Variants in COBL observed in about 807,000 individuals in gnomAD.
COBL encodes the protein cordon-bleu WH2 repeat protein.
COBL carries 51 observed loss-of-function variants against 98.8 expected under a neutral mutation model. The ratio of observed to expected loss-of-function variants is 0.52; its 90% CI spans 0.41 to 0.65. COBL has a LOEUF of 0.65. Among genes scored for constraint, COBL ranks in the 30% least tolerant of loss-of-function variants. COBL has a pLI of 0.00. For missense variants in COBL, 1,617 were observed against 1,617.5 expected (o/e 1.00, Z 0.01); for synonymous variants, 634 against 651.7 (o/e 0.97, Z 0.41).
rs1010333082 is a variant in COBL, at chr7:51,300,196, T to C, written c.41+16397A>G. Among the ~76,000 whole-genome samples the C allele has an allele frequency of 2.0e-5, 3 of 152,164 alleles. No homozygotes were observed. In the South Asian group the frequency reaches 6.2e-4, roughly 32 times the overall value. Reference sequence around the variant, plus strand: ...TGTTTTTTGAGACAGAGTCTCACTCTGTCACCCAAGCTGGAGTGCAGTGGC... The same window carrying C: ...TGTTTTTTGAGACAGAGTCTCACTCCGTCACCCAAGCTGGAGTGCAGTGGC... On this transcript the variant is annotated intron_variant, in intron 1 of 12. Coordinates refer to ENST00000265136, the MANE Select transcript of COBL (RefSeq NM_015198.5).
Position 51,253,489 on chromosome 7 carries a change from G to T in COBL, c.42-33545C>A, listed in dbSNP as rs182092449. 7.5e-3 allele frequency among the ~76,000 whole-genome samples: 1,144 copies of T among 152,230 alleles called. 15 individuals are homozygous for T. Among genetic ancestry groups the T allele is most frequent in the African/African-American group, 0.027 (1,111 of 41,542 alleles). On this transcript the variant is annotated intron_variant, in intron 1 of 12. Coordinates refer to ENST00000265136, the MANE Select transcript of COBL (RefSeq NM_015198.5). ...GATCTGTAATCAGCCATTTCTCCAA[G>T]GATCCATGTGGGAAACTGTAGTTAA... is the stretch of plus-strand genomic sequence containing the variant.
At chr7:51,080,442 T>C (rs1313878399) in intron 7 of COBL, among the ~76,000 whole-genome samples, 1 of 152,058 alleles carries the variant, frequency 6.6e-6, no homozygotes, top group Non-Finnish European at 1.5e-5. Flanking sequence ...AGAAGAGAAG[T>C]GCAGGGTGAT....
intron 10 of COBL, among the ~76,000 whole-genome samples, chr7:51,027,444 T>C (rs756070417): frequency 9.2e-5 from 14 of 152,244 alleles, no homozygotes; most frequent in African/African-American, 3.1e-4. Context: ...TGGACATCAC[T>C]GGCTGTTACC....
chr7:51,139,126 A>AT (rs35065476), intron 5 of COBL, among the ~76,000 whole-genome samples: 2 of 152,124 alleles, frequency 1.3e-5, no homozygotes, highest in East Asian at 1.9e-4. Flanking sequence ...TGCATTATCT[A>AT]TTTTTTAAGG....
chr7:51,161,279 G>T (rs1786776582), intron 5 of COBL, among the ~76,000 whole-genome samples: 1 of 152,218 alleles, frequency 6.6e-6, no homozygotes, highest in Non-Finnish European at 1.5e-5. Context: ...TAATCCCCCT[G>T]GAGACCCGGA....
intron 1 of COBL, chr7:51,259,596 A>C: frequency 1.3e-6 from 1 of 745,452 alleles, no homozygotes; most frequent in South Asian, 1.4e-5. Flanking sequence ...CAGGAAGGCA[A>C]TTTCATGAAT....
intron 1 of COBL, among the ~76,000 whole-genome samples, chr7:51,300,560 G>A (rs1242364343): frequency 6.6e-6 from 1 of 152,202 alleles, no homozygotes; most frequent in Non-Finnish European, 1.5e-5. Context: ...GGAGCCATGT[G>A]GTATGTCAGA....
chr7:51,090,185 G>C (rs1178550028), intron 6 of COBL, among the ~76,000 whole-genome samples: 1 of 152,148 alleles, frequency 6.6e-6, no homozygotes, highest in Non-Finnish European at 1.5e-5. Context: ...TCATGAAGAA[G>C]TGATGTTGAC....
chr7:51,220,045 C>T (rs1793481938), intron 1 of COBL, 101 bp from the exon 2 acceptor site: 1 of 1,093,344 alleles, frequency 9.1e-7, no homozygotes, highest in Non-Finnish European at 1.3e-6. Flanking sequence ...TTCAGGAGCA[C>T]CTTCCAAGTG....
chr7:51,066,091 G>A (rs1340837457), intron 7 of COBL, among the ~76,000 whole-genome samples: 1 of 152,228 alleles, frequency 6.6e-6, no homozygotes, highest in African/African-American at 2.4e-5. Flanking sequence ...AGTGCACTGT[G>A]TTGCTGCGCA....
chr7:51,313,533 T>C (rs772097478), intron 1 of COBL, among the ~76,000 whole-genome samples: 2 of 152,242 alleles, frequency 1.3e-5, no homozygotes, highest in Admixed American at 6.5e-5. Flanking sequence ...GATTTTTACA[T>C]GAGCAAACTG....
chr7:51,309,791 ATAGTCCTGGCTCCAAGGAGCT>A (rs1253360306), intron 1 of COBL, among the ~76,000 whole-genome samples: 2 of 152,228 alleles, frequency 1.3e-5, no homozygotes, highest in Non-Finnish European at 2.9e-5. Flanking sequence ...TTACAAAGTA[ATAGTCCTGGCTCCAAGGAGCT>A]GCTCAGAATT....
At chr7:51,291,920 G>A (rs1323350856) in intron 1 of COBL, among the ~76,000 whole-genome samples, 1 of 152,116 alleles carries the variant, frequency 6.6e-6, no homozygotes, top group Non-Finnish European at 1.5e-5. Context: ...CAGCATTGCT[G>A]GGAGGCTGAA....
At chr7:51,234,798 A>G (rs1219348858) in intron 1 of COBL, among the ~76,000 whole-genome samples, 1 of 152,084 alleles carries the variant, frequency 6.6e-6, no homozygotes, top group East Asian at 1.9e-4. Context: ...AGCAGGCTGG[A>G]CTAGACCAGG....
At chr7:51,257,640 G>C (rs976230943) in intron 1 of COBL, among the ~76,000 whole-genome samples, 5 of 151,964 alleles carry the variant, frequency 3.3e-5, no homozygotes, top group African/African-American at 2.4e-5. Flanking sequence ...TATATTTATA[G>C]ATAAACCTAT....
At chr7:51,148,354 T>G (rs1463157590) in intron 5 of COBL, among the ~76,000 whole-genome samples, 1 of 152,162 alleles carries the variant, frequency 6.6e-6, no homozygotes. Context: ...AGATTCTCTT[T>G]TGGTTGGTTT....
intron 5 of COBL, among the ~76,000 whole-genome samples, chr7:51,149,868 G>A (rs190730476): frequency 1.9e-4 from 29 of 152,166 alleles, no homozygotes; most frequent in Non-Finnish European, 2.4e-4. Flanking sequence ...CAGGTGATCC[G>A]CCCACCTCAG....
intron 1 of COBL, among the ~76,000 whole-genome samples, chr7:51,271,859 C>T (rs1457014891): frequency 1.3e-5 from 2 of 152,138 alleles, no homozygotes; most frequent in Non-Finnish European, 2.9e-5. Flanking sequence ...GGTGAAACCC[C>T]ATATCTATGA....
At chr7:51,310,729 G>A (rs1017203782) in intron 1 of COBL, among the ~76,000 whole-genome samples, 1 of 152,106 alleles carries the variant, frequency 6.6e-6, no homozygotes, top group Non-Finnish European at 1.5e-5. Context: ...GCACAATCTC[G>A]GCTCACTGTA....
Sources: gnomAD v4.1 joint callset for allele counts (sites outside exome capture counted in the v4.1 genomes callset) on GRCh38, gnomAD v4.1.1 for gene constraint, MANE v1.5 for transcripts, NCBI Gene and HGNC (gene_info 2026-07-23, HGNC 2026-07-21) for gene names.